Variants in CALN1 observed in about 807,000 individuals in gnomAD.
The protein encoded by CALN1 is calneuron 1, also known as calcium-binding protein 8.
Under a neutral mutation model 30.6 loss-of-function variants are expected in CALN1, and 17 were observed. The observed-to-expected ratio is 0.56, with a 90% CI of 0.38 to 0.83. The LOEUF is 0.83. Among genes scored for constraint, CALN1 ranks in the 40% least tolerant of loss-of-function variants. CALN1 has a pLI of 0.00. For missense variants in CALN1, 291 were observed against 354.9 expected (o/e 0.82, Z 1.45); for synonymous variants, 156 against 131.4 (o/e 1.19, Z -1.28).
chr7:72,072,836 G>T (rs1285087119), intron 4 of CALN1, among the ~76,000 whole-genome samples: 2 of 152,104 alleles, frequency 1.3e-5, no homozygotes, highest in Non-Finnish European at 2.9e-5. Flanking sequence ...ATCCAAATTA[G>T]AATGTATAAC....
At chr7:72,348,670 C>A (rs953381051) in intron 2 of CALN1, among the ~76,000 whole-genome samples, 2 of 152,126 alleles carry the variant, frequency 1.3e-5, no homozygotes, top group African/African-American at 4.8e-5. Flanking sequence ...CATTGAACAC[C>A]CGGCGGGTAC....
intron 3 of CALN1, among the ~76,000 whole-genome samples, chr7:72,217,032 C>T (rs187865104): frequency 6.6e-6 from 1 of 152,236 alleles, no homozygotes; most frequent in Admixed American, 6.5e-5. Context: ...GCCATCACAT[C>T]CGGCCTTCAG....
chr7:72,227,329 C>T (rs957677022), intron 3 of CALN1, among the ~76,000 whole-genome samples: 5 of 151,402 alleles, frequency 3.3e-5, no homozygotes, highest in African/African-American at 1.2e-4. Flanking sequence ...AACTAAAGGT[C>T]AGGAGTTCAA....
intron 4 of CALN1, among the ~76,000 whole-genome samples, chr7:72,038,230 A>C (rs1291471332): frequency 6.6e-6 from 1 of 152,130 alleles, no homozygotes; most frequent in Non-Finnish European, 1.5e-5. Flanking sequence ...ACACAAGTAC[A>C]GTGTTGTAGG....
At chr7:72,349,283 TG>T (rs1355168092) in intron 2 of CALN1, among the ~76,000 whole-genome samples, 7 of 1,934 alleles carry the variant, frequency 3.6e-3, no homozygotes, top group Non-Finnish European at 6.1e-3. Context: ...CACGCGTGCT[TG>T]TGTGTGTGTG....
chr7:72,503,800 C>T, the CALN1 span, among the ~76,000 whole-genome samples: 1 of 150,930 alleles, frequency 6.6e-6, no homozygotes, highest in South Asian at 2.1e-4. Flanking sequence ...TGTTTGCTAC[C>T]GAGATCTCTG....
chr7:71,993,668 G>A (rs1799082765), intron 5 of CALN1, among the ~76,000 whole-genome samples: 1 of 152,072 alleles, frequency 6.6e-6, no homozygotes, highest in South Asian at 2.1e-4. Context: ...TGTTGGGCAG[G>A]CTGGTCTCGA....
chr7:72,499,144 C>T, the CALN1 span, among the ~76,000 whole-genome samples: 11 of 152,154 alleles, frequency 7.2e-5, no homozygotes, highest in Non-Finnish European at 2.9e-5. Flanking sequence ...GATTCTCCTA[C>T]CTCAGCCTCC....
intron 5 of CALN1, among the ~76,000 whole-genome samples, chr7:71,992,781 C>T (rs767442292): frequency 1.4e-4 from 22 of 152,146 alleles, no homozygotes; most frequent in Non-Finnish European, 2.6e-4. Context: ...CGAGACCAGC[C>T]GAAATATCGT....
intron 5 of CALN1, among the ~76,000 whole-genome samples, chr7:71,958,530 T>C (rs1027782808): frequency 2.0e-5 from 3 of 152,148 alleles, no homozygotes; most frequent in Admixed American, 1.3e-4. Context: ...ACATGTGGTA[T>C]ATACAGTTCC....
chr7:72,488,748 A>G, the CALN1 span, among the ~76,000 whole-genome samples: 11 of 152,212 alleles, frequency 7.2e-5, no homozygotes, highest in East Asian at 1.9e-3. Flanking sequence ...CAGTGGTGCA[A>G]TCATAACTCA....
intron 2 of CALN1, among the ~76,000 whole-genome samples, chr7:72,317,804 C>T (rs1478275533): frequency 2.0e-5 from 3 of 152,120 alleles, no homozygotes; most frequent in Non-Finnish European, 4.4e-5. Context: ...ATGACACCGG[C>T]CCCAGAATTG....
intron 6 of CALN1, among the ~76,000 whole-genome samples, chr7:71,801,353 C>T (rs763866463): frequency 3.3e-5 from 5 of 151,644 alleles, no homozygotes; most frequent in Non-Finnish European, 5.9e-5. Context: ...GCTGGGACTA[C>T]AGGTGCCTGC....
At chr7:71,982,964 A>G (rs1017754732) in intron 5 of CALN1, among the ~76,000 whole-genome samples, 1 of 152,148 alleles carries the variant, frequency 6.6e-6, no homozygotes, top group Admixed American at 6.5e-5. Flanking sequence ...AGGAGCAGAC[A>G]ACCTGGTGCA....
intron 2 of CALN1, among the ~76,000 whole-genome samples, chr7:72,302,266 C>A (rs2129555708): frequency 6.6e-6 from 1 of 151,996 alleles, no homozygotes; most frequent in East Asian, 1.9e-4. Context: ...ATGAAAAGAC[C>A]CACAAAGAGC....
intron 3 of CALN1, among the ~76,000 whole-genome samples, chr7:72,198,677 A>G (rs941941868): frequency 6.6e-6 from 1 of 152,132 alleles, no homozygotes; most frequent in Non-Finnish European, 1.5e-5. Context: ...AAAAAGAAAA[A>G]GGGATTACTA....
chr7:71,995,903 C>T (rs1799228241), intron 5 of CALN1, among the ~76,000 whole-genome samples: 1 of 151,970 alleles, frequency 6.6e-6, no homozygotes, highest in Admixed American at 6.6e-5. Context: ...AGGAGAATCT[C>T]GTCATAAAAA....
At chr7:72,399,270 C>CTTTT (rs5884888) in intron 2 of CALN1, among the ~76,000 whole-genome samples, 2,067 of 106,748 alleles carry the variant, frequency 0.019, 152 homozygotes, top group African/African-American at 0.041. Context: ...TAACCTATTG[C>CTTTT]TTTTTTTTTT....
In CALN1 at chr7:71,834,122, C is replaced by T. The variant is rs138562092; in HGVS notation, c.502-23630G>A. On this transcript the variant is annotated intron_variant, in intron 5 of 6. Transcript: ENST00000395275. ...CTATAGTCCCAGCTACTCGGGAGGCCGAGGCAGGAGAATCTCTTGAATCCA... is the reference window on the plus strand; with the variant it reads ...CTATAGTCCCAGCTACTCGGGAGGCTGAGGCAGGAGAATCTCTTGAATCCA... Among the ~76,000 whole-genome samples, 825 of 147,390 alleles carry T rather than the reference C, an allele frequency of 5.6e-3. 8 individuals carry two copies. The highest frequency in any genetic ancestry group is 0.019 in the African/African-American group (772 of 39,668).
Sources: gnomAD v4.1 joint callset for allele counts (sites outside exome capture counted in the v4.1 genomes callset) on GRCh38, gnomAD v4.1.1 for gene constraint, MANE v1.5 for transcripts, NCBI Gene and HGNC (gene_info 2026-07-23, HGNC 2026-07-21) for gene names.